The following TENM2 variants were observed in gnomAD, a reference collection of about 807,000 sequenced individuals.
TENM2 encodes teneurin transmembrane protein 2.
In TENM2, 52 loss-of-function variants were observed where a neutral mutation model predicts 245.2. The observed-to-expected ratio is 0.21, with a 90% CI of 0.17 to 0.27. The LOEUF (loss-of-function observed/expected upper bound fraction) is 0.27, where lower values mean the gene tolerates loss of function less well. Ranked by LOEUF, TENM2 falls within the 10% of genes least tolerant of loss-of-function variation. The probability of loss-of-function intolerance (pLI) is 1.00; values close to 1 mark genes in which losing one functional copy is unlikely to be tolerated. For synonymous variants in TENM2, 1,363 were observed against 1,438.9 expected (o/e 0.95, Z 1.19); for missense variants, 3,046 against 3,666.8 (o/e 0.83, Z 4.37).
chr5:167,189,543 CT>C, the TENM2 span, among the ~76,000 whole-genome samples: 1 of 148,898 alleles, frequency 6.7e-6, no homozygotes, highest in African/African-American at 2.5e-5. Context: ...CTTTCGTTCT[CT>C]CTTTCTTTCT....
chr5:168,166,129 C>T (rs903546392), intron 13 of TENM2, among the ~76,000 whole-genome samples: 11 of 152,256 alleles, frequency 7.2e-5, no homozygotes, highest in African/African-American at 2.4e-4. Flanking sequence ...GTTCTGCCCT[C>T]GTCTCTGTCC....
chr5:167,531,767 A>G (rs1164940219), intron 2 of TENM2, among the ~76,000 whole-genome samples: 1 of 152,150 alleles, frequency 6.6e-6, no homozygotes, highest in East Asian at 1.9e-4. Context: ...TAATAAATAA[A>G]CTAAGATTCA....
intron 2 of TENM2, among the ~76,000 whole-genome samples, chr5:167,425,739 A>T (rs1763773208): frequency 6.6e-6 from 1 of 151,774 alleles, no homozygotes; most frequent in South Asian, 2.1e-4. Flanking sequence ...ATAAAATAAC[A>T]ATGCTGCTGC....
chr5:167,523,372 T>C (rs1415434310), intron 2 of TENM2, among the ~76,000 whole-genome samples: 1 of 152,154 alleles, frequency 6.6e-6, no homozygotes, highest in Non-Finnish European at 1.5e-5. Flanking sequence ...GGCTGATGGT[T>C]GCACACAGGA....
chr5:167,722,673 C>G (rs1759712440), intron 2 of TENM2, among the ~76,000 whole-genome samples: 1 of 151,962 alleles, frequency 6.6e-6, no homozygotes, highest in Admixed American at 6.6e-5. Context: ...ACTAGGCAGG[C>G]AGCTGAGGCA....
chr5:167,866,864 T>C (rs1323097038), intron 2 of TENM2, among the ~76,000 whole-genome samples: 1 of 152,230 alleles, frequency 6.6e-6, no homozygotes, highest in African/African-American at 2.4e-5. Flanking sequence ...TATCTAAATG[T>C]CACTAAAACT....
intron 2 of TENM2, among the ~76,000 whole-genome samples, chr5:167,455,432 C>G (rs1402188301): frequency 7.1e-6 from 1 of 141,506 alleles, no homozygotes; most frequent in African/African-American, 2.6e-5. Context: ...CTGGATTATC[C>G]CCTTGTTGTT....
intron 6 of TENM2, among the ~76,000 whole-genome samples, chr5:168,047,993 G>A (rs924058452): frequency 6.6e-6 from 1 of 152,208 alleles, no homozygotes; most frequent in African/African-American, 2.4e-5. Context: ...GAGACATGCA[G>A]CCTCCCTGGG....
intron 4 of TENM2, among the ~76,000 whole-genome samples, chr5:167,977,823 T>C (rs1367910633): frequency 6.6e-6 from 1 of 152,176 alleles, no homozygotes; most frequent in African/African-American, 2.4e-5. Context: ...TTTATGACCA[T>C]ATTATGTAGT....
chr5:167,328,204 G>GTTTTTTTTTTTTTT (rs70976412), intron 1 of TENM2, among the ~76,000 whole-genome samples: 1 of 91,028 alleles, frequency 1.1e-5, no homozygotes, highest in Non-Finnish European at 2.0e-5. Flanking sequence ...TTCTCATATC[G>GTTTTTTTTTTTTTT]TTTTTTTTTT....
intron 2 of TENM2, among the ~76,000 whole-genome samples, chr5:167,403,045 A>T (rs1762445935): frequency 6.6e-6 from 1 of 152,292 alleles, no homozygotes; most frequent in East Asian, 1.9e-4. Context: ...TTTATGAGGA[A>T]CAAGAGAGAA....
At chr5:168,082,466 G>C (rs1792090416) in intron 7 of TENM2, among the ~76,000 whole-genome samples, 1 of 152,176 alleles carries the variant, frequency 6.6e-6, no homozygotes, top group African/African-American at 2.4e-5. Flanking sequence ...GTCCAGCTTT[G>C]TTGCGTTGCT....
the TENM2 span, among the ~76,000 whole-genome samples, chr5:166,996,189 GA>G: frequency 6.6e-6 from 1 of 151,228 alleles, no homozygotes; most frequent in Non-Finnish European, 1.5e-5. Flanking sequence ...TAAAAATACA[GA>G]AAATTAGCCG....
chr5:167,706,519 A>G (rs1187621787), intron 2 of TENM2, among the ~76,000 whole-genome samples: 2 of 151,746 alleles, frequency 1.3e-5, no homozygotes, highest in Non-Finnish European at 2.9e-5. Flanking sequence ...AGTTGCCTCC[A>G]TGTCTTAAAC....
intron 13 of TENM2, among the ~76,000 whole-genome samples, chr5:168,178,261 C>T (rs544330627): frequency 6.6e-6 from 1 of 152,368 alleles, no homozygotes; most frequent in African/African-American, 2.4e-5. Context: ...CTCGGCTGCA[C>T]TGGCCGTCGG....
intron 2 of TENM2, among the ~76,000 whole-genome samples, chr5:167,583,199 A>T (rs993133085): frequency 3.9e-5 from 6 of 152,176 alleles, no homozygotes; most frequent in African/African-American, 7.2e-5. Flanking sequence ...GGGATAAATG[A>T]TTATCTTTTA....
chr5:168,232,979 C>T (rs147713344), intron 25 of TENM2, among the ~76,000 whole-genome samples: 1 of 152,306 alleles, frequency 6.6e-6, no homozygotes, highest in African/African-American at 2.4e-5. Context: ...AAGAGTCCTC[C>T]CCCTCCTTCC....
At position 168,206,560 on chromosome 5, in the gene TENM2, G is replaced by T. The variant is rs1762360291; in HGVS notation, c.3824+1939G>T. ...GGAGGAGGGGGCATGGTAACCAGAGGGTGAACAATGAGAGCAAGAAGGACA... is the reference window on the plus strand; with the variant it reads ...GGAGGAGGGGGCATGGTAACCAGAGTGTGAACAATGAGAGCAAGAAGGACA... On this transcript the variant is annotated intron_variant, in intron 19 of 28. Coordinates refer to ENST00000518659, the Ensembl canonical transcript of TENM2. 3.9e-5 allele frequency among the ~76,000 whole-genome samples: 6 copies of T among 152,144 alleles called. No individual in the cohort carries two copies. In the South Asian group the frequency reaches 1.2e-3, roughly 32 times the overall value.
chr5:168,241,107 T>C (rs1211092938), intron 25 of TENM2: 2 of 152,228 alleles, frequency 1.3e-5, no homozygotes, highest in Non-Finnish European at 2.9e-5. Context: ...AAAATCCTAC[T>C]ACTCAGCCTT....
Sources: gnomAD v4.1 joint callset for allele counts (sites outside exome capture counted in the v4.1 genomes callset) on GRCh38, gnomAD v4.1.1 for gene constraint, MANE v1.5 for transcripts, NCBI Gene and HGNC (gene_info 2026-07-23, HGNC 2026-07-21) for gene names.